TRIM37: variants seen among roughly 807,000 people sequenced by gnomAD.
The protein encoded by TRIM37 is tripartite motif containing 37.
TRIM37 carries 80 observed loss-of-function variants against 129.8 expected under a neutral mutation model. That is an observed-to-expected ratio of 0.62 (90% confidence interval 0.51 to 0.74). The LOEUF is 0.74. Among genes scored for constraint, TRIM37 ranks in the 30% least tolerant of loss-of-function variants. TRIM37 has a pLI of 0.00. For synonymous variants in TRIM37, 389 were observed against 387.1 expected, an observed-to-expected ratio of 1.00 and a Z score of -0.06; for missense variants, 1,054 against 1,176.5, an observed-to-expected ratio of 0.90 and a Z score of 1.52.
Position 59,070,590 on chromosome 17 carries a change from G to A in TRIM37, c.809+233C>T, listed in dbSNP as rs573866139. 6.2e-4 allele frequency among the ~76,000 whole-genome samples: 94 copies of A among 152,086 alleles called. 1 individual carries two copies. In the South Asian group the frequency reaches 8.1e-3, roughly 13 times the overall value. On this transcript the variant is annotated intron_variant, in intron 9 of 23. Coordinates refer to ENST00000262294, the MANE Select transcript of TRIM37 (RefSeq NM_015294.6). ...ATAAACAAGACCTTAAAAAGCTATG[G>A]AGTGGCCAAGTGTGGTGGCTCATGT... is the stretch of plus-strand genomic sequence containing the variant.
chr17:59,037,865 C>T (rs1410899371), intron 17 of TRIM37, among the ~76,000 whole-genome samples: 2 of 152,078 alleles, frequency 1.3e-5, no homozygotes, highest in Non-Finnish European at 1.5e-5. Flanking sequence ...TCTTTTTAGA[C>T]TCTTCTGGTC....
At chr17:59,104,492 G>T in intron 1 of TRIM37, 98 bp from the exon 2 acceptor site, 4 of 1,070,260 alleles carry the variant, frequency 3.7e-6, no homozygotes, top group South Asian at 1.3e-5. Context: ...TTTATTTTGG[G>T]CTGATCTCTC....
rs559634019 is a variant in TRIM37, at chr17:59,008,291, A to AT, written c.2695+4036dup. On this transcript the variant is annotated intron_variant, in intron 22 of 23. Coordinates refer to ENST00000262294, the MANE Select transcript of TRIM37 (RefSeq NM_015294.6). ...TTGCACATTCACAGCAATTTTTCTT[A>AT]TTGAGTTCTAGGTGCTATTTATAGC... Among the ~76,000 whole-genome samples the AT allele has an allele frequency of 4.6e-5, 7 of 152,296 alleles. No homozygotes were observed. The South Asian group carries it at 1.2e-3, about 27-fold the overall frequency.
At chr17:59,011,688 A>T (rs879287455) in intron 22 of TRIM37, among the ~76,000 whole-genome samples, 2 of 152,190 alleles carry the variant, frequency 1.3e-5, no homozygotes, top group Non-Finnish European at 2.9e-5. Context: ...AACAATAATG[A>T]ACTTGGAAGA....
At chr17:58,979,786 A>G (rs112751834), downstream of TRIM37, among the ~76,000 whole-genome samples, 246 of 152,344 alleles carry the variant, frequency 1.6e-3, 1 homozygote, top group African/African-American at 5.7e-3. Context: ...ACTGGGAGTA[A>G]GGAGTAAGCA....
At chr17:58,983,025 C>A in intron 24 of TRIM37, 1 of 1,061,008 alleles carries the variant, frequency 9.4e-7, no homozygotes, top group South Asian at 1.5e-5. Context: ...CTATTGTTGT[C>A]TATTGGTAAT....
At chr17:59,001,225 A>C (rs1032270978) in intron 23 of TRIM37, among the ~76,000 whole-genome samples, 2 of 151,406 alleles carry the variant, frequency 1.3e-5, no homozygotes, top group South Asian at 4.2e-4. Context: ...GAAAAAAAAA[A>C]CCCACAAAGA....
chr17:59,022,863 C>T (rs893724663), intron 19 of TRIM37, among the ~76,000 whole-genome samples: 2 of 151,912 alleles, frequency 1.3e-5, no homozygotes, highest in African/African-American at 4.8e-5. Flanking sequence ...ATATTAAAAC[C>T]AAAAGTACAG....
intron 22 of TRIM37, 25 bp from the exon 23 acceptor site, chr17:59,001,739 T>C (rs753077417): frequency 2.5e-6 from 4 of 1,613,358 alleles, no homozygotes; most frequent in Non-Finnish European, 3.4e-6. Context: ...GGAGAACATG[T>C]TTCTGAAAAG....
intron 13 of TRIM37, among the ~76,000 whole-genome samples, chr17:59,052,281 T>C (rs1209566640): frequency 2.0e-5 from 3 of 151,106 alleles, no homozygotes; most frequent in Admixed American, 2.0e-4. Flanking sequence ...CTAACGTGAC[T>C]ATATTTAAGG....
intron 2 of TRIM37, among the ~76,000 whole-genome samples, chr17:59,095,674 T>C (rs558128395): frequency 1.2e-4 from 19 of 152,282 alleles, no homozygotes; most frequent in Admixed American, 7.9e-4. Flanking sequence ...AATGTACTGT[T>C]TGAGGCAAAC....
intron 24 of TRIM37, among the ~76,000 whole-genome samples, chr17:58,987,436 C>T (rs988984821): frequency 6.6e-6 from 1 of 152,182 alleles, no homozygotes; most frequent in Non-Finnish European, 1.5e-5. Flanking sequence ...CTCTGGCCCG[C>T]AGGGTCTGCA....
At chr17:59,043,913 C>A (rs2039507930) in intron 16 of TRIM37, among the ~76,000 whole-genome samples, 1 of 152,200 alleles carries the variant, frequency 6.6e-6, no homozygotes, top group Admixed American at 6.5e-5. Flanking sequence ...GAGAAACATA[C>A]AACACTATTA....
chr17:59,065,462 A>T (rs747631795), intron 9 of TRIM37, among the ~76,000 whole-genome samples: 24 of 152,218 alleles, frequency 1.6e-4, no homozygotes, highest in Non-Finnish European at 2.8e-4. Flanking sequence ...ACTTCAAGCA[A>T]CTTTAGTCCC....
chr17:59,055,055 G>A (rs1195163931), intron 13 of TRIM37, among the ~76,000 whole-genome samples: 1 of 151,886 alleles, frequency 6.6e-6, no homozygotes, highest in Non-Finnish European at 1.5e-5. Context: ...TGATGGTTTT[G>A]GCCAGACGTG....
intron 2 of TRIM37, among the ~76,000 whole-genome samples, chr17:59,098,092 AAT>A (rs2045079584): frequency 6.6e-6 from 1 of 152,200 alleles, no homozygotes; most frequent in South Asian, 2.1e-4. Context: ...TAAGAACAGA[AAT>A]AGAGACTAAT....
chr17:58,983,643 C>G (rs2031528307), intron 24 of TRIM37: 1 of 152,554 alleles, frequency 6.6e-6, no homozygotes, highest in South Asian at 2.1e-4. Context: ...TATATAATAT[C>G]TATAAACTGT....
rs765378292 is a variant in TRIM37 at position 59,057,074 on chromosome 17, C to T, written c.1020-20G>A. The T allele has an allele frequency of 6.2e-7, 1 of 1,606,422 alleles. No homozygotes were observed. The highest frequency in any genetic ancestry group is 8.5e-7 in the Non-Finnish European group (1 of 1,173,582). On this transcript the variant is annotated intron_variant, in intron 12 of 23. Coordinates refer to ENST00000262294, the MANE Select transcript of TRIM37 (RefSeq NM_015294.6). ...TCATATCTAAAATTGAAAAACAGAC[C>T]ATTACTATACAGTTAGTAAAGTAAG...
intron 9 of TRIM37, among the ~76,000 whole-genome samples, chr17:59,068,546 G>A (rs150984230): frequency 6.6e-6 from 1 of 152,354 alleles, no homozygotes; most frequent in African/African-American, 2.4e-5. Flanking sequence ...CAGTATCAAT[G>A]AAGCAGCCTA....
Sources: allele counts gnomAD v4.1 joint callset (sites outside exome capture counted in the v4.1 genomes callset), GRCh38; gene constraint gnomAD v4.1.1; transcripts MANE v1.5; gene names NCBI Gene and HGNC (gene_info 2026-07-23, HGNC 2026-07-21).